The following ANAPC1 variants were observed in gnomAD, a reference collection of about 807,000 sequenced individuals.
ANAPC1 encodes the protein anaphase-promoting complex subunit 1.
Under a neutral mutation model 208.0 loss-of-function variants are expected in ANAPC1, and 36 were observed. The ratio of observed to expected loss-of-function variants is 0.17; its 90% CI spans 0.13 to 0.23. The LOEUF is 0.23. Ranked by LOEUF, ANAPC1 falls within the 10% of genes least tolerant of loss-of-function variation. The probability of loss-of-function intolerance (pLI) is 1.00; values close to 1 mark genes in which losing one functional copy is unlikely to be tolerated. For missense variants in ANAPC1, 942 were observed against 2,011.6 expected, an observed-to-expected ratio of 0.47 and a Z score of 10.17; for synonymous variants, 378 against 695.2, an observed-to-expected ratio of 0.54 and a Z score of 7.18.
At chr2:111,872,756 AC>A in intron 5 of ANAPC1, 44 bp from the exon 6 acceptor site, 1 of 1,235,584 alleles carries the variant, frequency 8.1e-7, no homozygotes, top group South Asian at 1.3e-5. Flanking sequence ...AAGAGAACCT[AC>A]CCCTTTATAA....
intron 33 of ANAPC1, among the ~76,000 whole-genome samples, chr2:111,801,200 T>C (rs1222689721): frequency 2.0e-5 from 3 of 151,180 alleles, no homozygotes; most frequent in Non-Finnish European, 2.9e-5. Flanking sequence ...CTACTAAAAA[T>C]ACAAAAATTA....
rs142018021 is a variant in ANAPC1, at chr2:111,868,155, T to C, written c.612-59A>G. 1.3e-3 allele frequency: 1,582 copies of C among 1,222,284 alleles called. 22 individuals carry two copies. In the African/African-American group the frequency reaches 0.022, roughly 17 times the overall value. The allele number at this position is 1,222,284 out of a possible 1,614,324, so 75.7% of individuals were successfully genotyped here. ...TACGAGTATGTCTGTGCACAAATTT[T>C]GCACTTCTATTGAAAAGAAATCTCC... On this transcript the variant is annotated intron_variant, in intron 6 of 47. Transcript: ENST00000341068.
chr2:111,766,297 T>C (rs1175109711), downstream of ANAPC1: 1 of 152,582 alleles, frequency 6.6e-6, no homozygotes, highest in Non-Finnish European at 1.5e-5. Context: ...TGTGACGTAA[T>C]GAGAAGCAAC....
At chr2:111,798,349 A>G (rs1234699911) in intron 34 of ANAPC1, among the ~76,000 whole-genome samples, 1 of 152,236 alleles carries the variant, frequency 6.6e-6, no homozygotes, top group Non-Finnish European at 1.5e-5. Flanking sequence ...GCTAACACAC[A>G]TTCTCCTGAG....
At chr2:111,800,184 T>C (rs201649024) in intron 34 of ANAPC1, among the ~76,000 whole-genome samples, 26,233 of 138,350 alleles carry the variant, frequency 0.19, 2,636 homozygotes, top group African/African-American at 0.22. Flanking sequence ...TTATAGAGTC[T>C]ATTGGTGATG....
intron 26 of ANAPC1, among the ~76,000 whole-genome samples, chr2:111,819,739 G>A (rs970402842): frequency 1.3e-5 from 2 of 151,836 alleles, no homozygotes; most frequent in Non-Finnish European, 2.9e-5. Context: ...TGAAGACACA[G>A]AAATATCCCT....
At chr2:111,828,945 T>G (rs1042359883) in intron 21 of ANAPC1, among the ~76,000 whole-genome samples, 1 of 152,228 alleles carries the variant, frequency 6.6e-6, no homozygotes, top group Admixed American at 6.5e-5. Context: ...CCGGGCACAG[T>G]GGCTCACGCC....
Position 111,864,370 on chromosome 2 carries a change from A to G in ANAPC1, c.831+436T>C, listed in dbSNP as rs868196741. On this transcript the variant is annotated intron_variant, in intron 8 of 47. Transcript: ENST00000341068. ...GATGATGATGATGATGATGATGATGATGATAATAAAACTATTCACAAGTGA... is the reference window on the plus strand; with the variant it reads ...GATGATGATGATGATGATGATGATGGTGATAATAAAACTATTCACAAGTGA... Among the ~76,000 whole-genome samples the G allele has an allele frequency of 1.2e-4, 16 of 136,232 alleles. No homozygotes were observed. In the South Asian group the frequency reaches 3.9e-3, roughly 33 times the overall value. 89.4% of individuals were successfully genotyped at this position (136,232 alleles called of 152,430 possible). A position where few individuals can be genotyped will look rare whatever the true frequency, so the allele number is the denominator to read the frequency against.
At chr2:111,813,354 G>C (rs1679086820) in intron 28 of ANAPC1, among the ~76,000 whole-genome samples, 1 of 151,622 alleles carries the variant, frequency 6.6e-6, no homozygotes, top group Non-Finnish European at 1.5e-5. Flanking sequence ...TCTGAGGTAG[G>C]GATATTTTAG....
chr2:111,832,635 A>G (rs926633157), intron 20 of ANAPC1, among the ~76,000 whole-genome samples: 2 of 152,168 alleles, frequency 1.3e-5, no homozygotes, highest in Non-Finnish European at 2.9e-5. Flanking sequence ...TCTAAGTTAA[A>G]AGCATCCTTG....
intron 14 of ANAPC1, among the ~76,000 whole-genome samples, chr2:111,850,455 C>T (rs1468493209): frequency 6.6e-6 from 1 of 152,100 alleles, no homozygotes; most frequent in Non-Finnish European, 1.5e-5. Context: ...AGTCAATCAA[C>T]GATGGTACTC....
At chr2:111,816,751 T>G (rs1160067616) in intron 27 of ANAPC1, among the ~76,000 whole-genome samples, 2 of 140,152 alleles carry the variant, frequency 1.4e-5, no homozygotes, top group Non-Finnish European at 3.2e-5. Context: ...TAAGATGTTA[T>G]GTAAAATAAA....
At chr2:111,767,276 TG>T (rs1185577842), downstream of ANAPC1, among the ~76,000 whole-genome samples, 2 of 151,596 alleles carry the variant, frequency 1.3e-5, no homozygotes, top group Non-Finnish European at 2.9e-5. Context: ...CAGGAAATGA[TG>T]TGTGCTATTT....
Position 111,819,315 on chromosome 2 carries a change from T to C in ANAPC1, c.3207-357A>G, listed in dbSNP as rs1335307398. 4.3e-6 allele frequency: 4 copies of C among 924,590 alleles called. No homozygotes were observed. The East Asian group carries it at 4.8e-4, about 111-fold the overall frequency. 57.3% of individuals were successfully genotyped at this position (924,590 alleles called of 1,614,324 possible). On this transcript the variant is annotated intron_variant, in intron 26 of 47. Transcript: ENST00000341068. ...TTCTCAAAGGAAAATACAGTACTTT[T>C]GGGGTTTTTATCACTGTGTTAATTT...
intron 42 of ANAPC1, among the ~76,000 whole-genome samples, chr2:111,783,308 G>A (rs2104497802): frequency 6.6e-6 from 1 of 152,312 alleles, no homozygotes; most frequent in Non-Finnish European, 1.5e-5. Context: ...GAGGGACCTG[G>A]TTGGGGGTGA....
chr2:111,882,116 G>A (rs1170830361), intron 1 of ANAPC1, among the ~76,000 whole-genome samples: 37 of 151,600 alleles, frequency 2.4e-4, no homozygotes, highest in South Asian at 2.1e-4. Context: ...CCCAGGAGGC[G>A]GAGGTTGCAG....
chr2:111,845,296 C>T (rs1366078403), intron 16 of ANAPC1, among the ~76,000 whole-genome samples: 2 of 152,250 alleles, frequency 1.3e-5, no homozygotes. Context: ...TGTGTACTCA[C>T]ATATCCTCTC....
At chr2:111,865,878 C>A in intron 7 of ANAPC1, 1 of 245,562 alleles carries the variant, frequency 4.1e-6, no homozygotes, top group Non-Finnish European at 8.2e-6. Context: ...CAAACTGTGC[C>A]CGACGTGTGC....
At chr2:111,849,405 T>C (rs1215482870) in intron 14 of ANAPC1, among the ~76,000 whole-genome samples, 1 of 152,188 alleles carries the variant, frequency 6.6e-6, no homozygotes, top group East Asian at 1.9e-4. Context: ...TCTGCAAATG[T>C]GCTGGTTTGA....
Sources: gnomAD v4.1 joint callset for allele counts (sites outside exome capture counted in the v4.1 genomes callset) on GRCh38, gnomAD v4.1.1 for gene constraint, MANE v1.5 for transcripts, NCBI Gene and HGNC (gene_info 2026-07-23, HGNC 2026-07-21) for gene names.